Variants in TMA16 observed in about 807,000 individuals in gnomAD.
The protein encoded by TMA16 is translation machinery-associated protein 16.
TMA16 carries 26 observed loss-of-function variants against 27.1 expected under a neutral mutation model. The observed-to-expected ratio is 0.96, with a 90% CI of 0.70 to 1.33. TMA16 has a LOEUF of 1.33. TMA16 is among the 40% of genes most tolerant of loss of function. The pLI, the probability that TMA16 is intolerant of heterozygous loss-of-function variation, is 0.00. For missense variants in TMA16, 233 were observed against 241.4 expected, an observed-to-expected ratio of 0.97 and a Z score of 0.23; for synonymous variants, 71 against 81.9, an observed-to-expected ratio of 0.87 and a Z score of 0.72.
At chr4:163,498,443 A>G (rs904003688) in intron 1 of TMA16, among the ~76,000 whole-genome samples, 2 of 151,800 alleles carry the variant, frequency 1.3e-5, no homozygotes, top group African/African-American at 4.8e-5. Context: ...GCCCGCCACC[A>G]CGCCCGGCTA....
Position 163,519,419 on chromosome 4 carries a change from A to G in TMA16, c.517A>G (p.Arg173Gly). Reference protein sequence around the residue: ...ANDAIPKTCKRKTIITVDQDL... With the variant: ...ANDAIPKTCKGKTIITVDQDL... ...TGATGCAATTCCCAAGACGTGCAAG[A>G]GGAAAACTATTATAACTGTAGACCA... The change falls in exon 7 of 7, where the codon AGG (arginine) becomes GGG (glycine). Residue 173 changes from arginine (R) to glycine (G), a missense_variant. By Grantham distance (125) the Arg-to-Gly change is moderately radical (BLOSUM62 -2). Transcript: ENST00000358572. 6.2e-7 allele frequency: 1 copy of G among 1,607,960 alleles called. No homozygotes were observed. The highest frequency in any genetic ancestry group is 8.5e-7 in the Non-Finnish European group (1 of 1,177,990).
chr4:163,514,939 G>A (rs776155537), intron 4 of TMA16, among the ~76,000 whole-genome samples: 81 of 152,018 alleles, frequency 5.3e-4, no homozygotes, highest in Non-Finnish European at 1.1e-3. Context: ...CAGATTCCTC[G>A]TCTGGACAAC....
intron 1 of TMA16, among the ~76,000 whole-genome samples, chr4:163,503,473 G>C (rs528944753): frequency 3.3e-5 from 5 of 152,212 alleles, no homozygotes; most frequent in African/African-American, 1.2e-4. Flanking sequence ...TGGTCTTTTA[G>C]GCAAAGTTCC....
chr4:163,515,509 C>T (rs1210187931), intron 5 of TMA16, 48 bp downstream of exon 5: 1 of 1,497,536 alleles, frequency 6.7e-7, no homozygotes, highest in African/African-American at 1.4e-5. Context: ...ATAGCAGTAT[C>T]AATTTGTGAT....
At chr4:163,512,700 T>G in intron 2 of TMA16, 122 bp from the exon 3 acceptor site, 1 of 601,318 alleles carries the variant, frequency 1.7e-6, no homozygotes, top group South Asian at 2.8e-5. Flanking sequence ...ATTCTCAAAT[T>G]TGTAAAAGAA....
intron 1 of TMA16, among the ~76,000 whole-genome samples, chr4:163,497,619 C>CA (rs925656459): frequency 4.3e-4 from 66 of 152,134 alleles, no homozygotes; most frequent in African/African-American, 1.4e-3. Flanking sequence ...AGCAGCATGG[C>CA]ATCTTTAAAT....
intron 2 of TMA16, among the ~76,000 whole-genome samples, chr4:163,511,675 A>T (rs1350884870): frequency 1.3e-5 from 2 of 150,586 alleles, no homozygotes; most frequent in Non-Finnish European, 3.0e-5. Context: ...AAAAAAAAAA[A>T]GTAGCCAGGC....
intron 1 of TMA16, among the ~76,000 whole-genome samples, chr4:163,499,485 G>A (rs1457384866): frequency 1.3e-5 from 2 of 152,036 alleles, no homozygotes; most frequent in South Asian, 2.1e-4. Flanking sequence ...AGAATACAGA[G>A]TGATATACCA....
At chr4:163,505,544 A>G (rs962980227) in intron 1 of TMA16, among the ~76,000 whole-genome samples, 1 of 152,244 alleles carries the variant, frequency 6.6e-6, no homozygotes, top group Non-Finnish European at 1.5e-5. Context: ...CAAGTAAAGT[A>G]TTTTGCAGGC....
chr4:163,514,290 G>T, intron 4 of TMA16, 132 bp downstream of exon 4: 2 of 717,160 alleles, frequency 2.8e-6, no homozygotes, highest in Non-Finnish European at 4.3e-6. Flanking sequence ...ACTATTTCCT[G>T]GCTTAGTCAC....
At chr4:163,506,109 A>G (rs528638412) in intron 1 of TMA16, among the ~76,000 whole-genome samples, 61 of 152,314 alleles carry the variant, frequency 4.0e-4, no homozygotes, top group African/African-American at 1.5e-3. Flanking sequence ...TTCCCAGGTC[A>G]TGCTCTTAAA....
At chr4:163,515,089 T>C (rs2110811236) in intron 4 of TMA16, among the ~76,000 whole-genome samples, 1 of 152,090 alleles carries the variant, frequency 6.6e-6, no homozygotes, top group South Asian at 2.1e-4. Flanking sequence ...TGGTTGAATG[T>C]GAGGGTCTGC....
intron 1 of TMA16, among the ~76,000 whole-genome samples, chr4:163,497,888 T>A (rs918291571): frequency 1.3e-5 from 2 of 152,230 alleles, no homozygotes; most frequent in Non-Finnish European, 2.9e-5. Context: ...CTCTCTTGCC[T>A]AATGCCCTGG....
chr4:163,496,872 G>A (rs934574319), intron 1 of TMA16, among the ~76,000 whole-genome samples: 2 of 146,166 alleles, frequency 1.4e-5, no homozygotes, highest in Non-Finnish European at 3.1e-5. Flanking sequence ...GGCTGGTCTC[G>A]AACTCCTGAC....
At chr4:163,502,060 A>C (rs943402222) in intron 1 of TMA16, among the ~76,000 whole-genome samples, 6 of 152,214 alleles carry the variant, frequency 3.9e-5, no homozygotes, top group Non-Finnish European at 7.4e-5. Flanking sequence ...TCAGTAATTA[A>C]AAATATGTAT....
chr4:163,507,414 G>A (rs1015611365), intron 2 of TMA16, among the ~76,000 whole-genome samples: 4 of 152,102 alleles, frequency 2.6e-5, no homozygotes, highest in East Asian at 1.9e-4. Context: ...GTTGTTTTAC[G>A]TGGGATAGTC....
intron 4 of TMA16, among the ~76,000 whole-genome samples, chr4:163,514,638 A>G (rs1035292539): frequency 6.6e-6 from 1 of 152,202 alleles, no homozygotes; most frequent in Non-Finnish European, 1.5e-5. Context: ...ATCCAAGGAC[A>G]TTAGGAACCA....
At chr4:163,518,963 A>G (rs1737925855) in intron 6 of TMA16, among the ~76,000 whole-genome samples, 1 of 152,174 alleles carries the variant, frequency 6.6e-6, no homozygotes, top group Admixed American at 6.5e-5. Flanking sequence ...TACAATACTG[A>G]GGTTGAAAAA....
In TMA16 at chr4:163,507,175, C is replaced by A; in HGVS notation, c.116+30C>A. On this transcript the variant is annotated intron_variant, in intron 2 of 6. Transcript: ENST00000358572. ...GTATCTTTTCATCATTTGTATTACTCGTTGGTAAAAAGCCCCTTTATACTT... is the reference window on the plus strand; with the variant it reads ...GTATCTTTTCATCATTTGTATTACTAGTTGGTAAAAAGCCCCTTTATACTT... The A allele has an allele frequency of 2.0e-6, 3 of 1,531,694 alleles. No homozygotes were observed. In the South Asian group the frequency reaches 3.6e-5, roughly 18 times the overall value. 94.9% of individuals were successfully genotyped at this position (1,531,694 alleles called of 1,614,324 possible). A position where few individuals can be genotyped will look rare whatever the true frequency, so the allele number is the denominator to read the frequency against.
Sources: gnomAD v4.1 joint callset for allele counts (sites outside exome capture counted in the v4.1 genomes callset) on GRCh38, gnomAD v4.1.1 for gene constraint, MANE v1.5 for transcripts, NCBI Gene and HGNC (gene_info 2026-07-23, HGNC 2026-07-21) for gene names.